Variants in B3GALT1 observed in about 807,000 individuals in gnomAD.
B3GALT1 encodes beta-1,3-galactosyltransferase 1.
Under a neutral mutation model 23.2 loss-of-function variants are expected in B3GALT1, and 10 were observed. The observed-to-expected ratio is 0.43, with a 90% confidence interval of 0.27 to 0.73. The LOEUF (loss-of-function observed/expected upper bound fraction) is 0.73. Ranked by LOEUF, B3GALT1 falls within the 30% of genes least tolerant of loss-of-function variation. The probability of loss-of-function intolerance (pLI) is 0.21; values close to 1 mark genes in which losing one functional copy is unlikely to be tolerated. For synonymous variants in B3GALT1, 156 were observed against 141.5 expected, an observed-to-expected ratio of 1.10 and a Z score of -0.73; for missense variants, 299 against 405.4, an observed-to-expected ratio of 0.74 and a Z score of 2.25.
intron 2 of B3GALT1, among the ~76,000 whole-genome samples, chr2:167,536,090 A>G (rs890492170): frequency 3.3e-5 from 5 of 152,072 alleles, no homozygotes; most frequent in Non-Finnish European, 5.9e-5. Flanking sequence ...TACTTTTAGT[A>G]GAGACGTGAT....
At chr2:167,865,556 C>A (rs1461687288) in intron 4 of B3GALT1, among the ~76,000 whole-genome samples, 2 of 152,276 alleles carry the variant, frequency 1.3e-5, no homozygotes, top group South Asian at 4.2e-4. Context: ...TTCTGGGAGG[C>A]CGAGGCGGGC....
At chr2:167,700,803 C>A (rs559518285) in intron 3 of B3GALT1, among the ~76,000 whole-genome samples, 2 of 152,192 alleles carry the variant, frequency 1.3e-5, no homozygotes, top group East Asian at 3.9e-4. Context: ...AGATAGCAAG[C>A]CTGGGCCCAG....
At chr2:167,840,918 T>C (rs1248252578) in intron 4 of B3GALT1, among the ~76,000 whole-genome samples, 1 of 144,748 alleles carries the variant, frequency 6.9e-6, no homozygotes, top group Non-Finnish European at 1.5e-5. Flanking sequence ...CAGTAAACTA[T>C]CGAAGAACAA....
chr2:167,841,030 T>TG (rs1339061738), intron 4 of B3GALT1, among the ~76,000 whole-genome samples: 1 of 70,138 alleles, frequency 1.4e-5, no homozygotes, highest in Admixed American at 2.2e-4. Context: ...TGTTGTGGGG[T>TG]GGGGGGAGGG....
chr2:167,516,853 T>C (rs1358310630), intron 2 of B3GALT1, among the ~76,000 whole-genome samples: 1 of 151,940 alleles, frequency 6.6e-6, no homozygotes, highest in Non-Finnish European at 1.5e-5. Context: ...TCTTTATTAC[T>C]TCTTTTTGCT....
At chr2:167,425,371 T>C (rs1215779369) in intron 1 of B3GALT1, among the ~76,000 whole-genome samples, 5 of 152,136 alleles carry the variant, frequency 3.3e-5, no homozygotes, top group African/African-American at 1.2e-4. Context: ...CGACATAAAA[T>C]ACAAGAGATT....
intron 3 of B3GALT1, among the ~76,000 whole-genome samples, chr2:167,741,737 G>C (rs1462122345): frequency 6.6e-6 from 1 of 152,066 alleles, no homozygotes; most frequent in African/African-American, 2.4e-5. Flanking sequence ...TTCACCTTTA[G>C]GGAGAAATAA....
chr2:167,862,556 AAT>A (rs1447596306), intron 4 of B3GALT1, among the ~76,000 whole-genome samples: 1 of 152,158 alleles, frequency 6.6e-6, no homozygotes, highest in Admixed American at 6.6e-5. Context: ...ACCCAGAAGT[AAT>A]GTTTCAGCAG....
At chr2:167,852,581 A>G (rs977441938) in intron 4 of B3GALT1, among the ~76,000 whole-genome samples, 1 of 151,802 alleles carries the variant, frequency 6.6e-6, no homozygotes, top group Non-Finnish European at 1.5e-5. Context: ...TTTATTTTTA[A>G]TCTAGAAACA....
chr2:167,721,668 C>T (rs930786888), intron 3 of B3GALT1, among the ~76,000 whole-genome samples: 1 of 152,180 alleles, frequency 6.6e-6, no homozygotes, highest in Non-Finnish European at 1.5e-5. Flanking sequence ...TGTTTCAAAA[C>T]AAGAAACATC....
chr2:167,307,025 T>C (rs1009983805), intron 1 of B3GALT1, among the ~76,000 whole-genome samples: 8 of 152,024 alleles, frequency 5.3e-5, no homozygotes, highest in African/African-American at 1.9e-4. Flanking sequence ...CTAATCTTTT[T>C]AAAATTCTGC....
At chr2:167,710,014 G>C (rs771584051) in intron 3 of B3GALT1, among the ~76,000 whole-genome samples, 3 of 151,974 alleles carry the variant, frequency 2.0e-5, no homozygotes, top group Non-Finnish European at 1.5e-5. Context: ...TTTCCACTCA[G>C]TGAAGTGACC....
At chr2:167,566,323 G>T (rs915569983) in intron 2 of B3GALT1, among the ~76,000 whole-genome samples, 1 of 151,652 alleles carries the variant, frequency 6.6e-6, no homozygotes, top group Non-Finnish European at 1.5e-5. Context: ...GACACAGGAA[G>T]GGGAACATCA....
At chr2:167,614,262 A>G (rs1685118173) in intron 2 of B3GALT1, among the ~76,000 whole-genome samples, 1 of 151,638 alleles carries the variant, frequency 6.6e-6, no homozygotes, top group Non-Finnish European at 1.5e-5. Flanking sequence ...TGTCATTCAT[A>G]ATCAATAGCA....
At chr2:167,380,287 A>G (rs1234123666) in intron 1 of B3GALT1, among the ~76,000 whole-genome samples, 1 of 152,142 alleles carries the variant, frequency 6.6e-6, no homozygotes, top group East Asian at 1.9e-4. Context: ...GCCTCACTGC[A>G]CCATGAACTC....
At chr2:167,564,389 A>C (rs1684105855) in intron 2 of B3GALT1, among the ~76,000 whole-genome samples, 1 of 139,442 alleles carries the variant, frequency 7.2e-6, no homozygotes, top group Non-Finnish European at 1.6e-5. Context: ...CTGGGCAGCC[A>C]GGCAGAGGGG....
intron 4 of B3GALT1, among the ~76,000 whole-genome samples, chr2:167,848,058 A>T (rs1314087684): frequency 6.6e-6 from 1 of 152,220 alleles, no homozygotes; most frequent in African/African-American, 2.4e-5. Flanking sequence ...AGATACCCTG[A>T]ACAGAACAAT....
intron 3 of B3GALT1, among the ~76,000 whole-genome samples, chr2:167,788,216 C>T (rs1688374669): frequency 7.5e-6 from 1 of 133,524 alleles, no homozygotes; most frequent in African/African-American, 2.8e-5. Context: ...AGTCCCCAAC[C>T]TTTTTGGCAC....
intron 1 of B3GALT1, among the ~76,000 whole-genome samples, chr2:167,451,573 G>A (rs187010666): frequency 5.3e-5 from 8 of 152,332 alleles, no homozygotes; most frequent in Admixed American, 5.2e-4. Context: ...AGCCATGGAT[G>A]TCAGCACCCC....
Sources: gnomAD v4.1 joint callset for allele counts (sites outside exome capture counted in the v4.1 genomes callset) on GRCh38, gnomAD v4.1.1 for gene constraint, MANE v1.5 for transcripts, NCBI Gene and HGNC (gene_info 2026-07-23, HGNC 2026-07-21) for gene names.